The following COL4A3 variants were observed in gnomAD, a reference collection of about 807,000 sequenced individuals.
COL4A3 encodes the protein collagen type IV alpha 3 chain, also known as collagen alpha-3(IV) chain.
COL4A3 carries 135 observed loss-of-function variants against 217.4 expected under a neutral mutation model. That is an observed-to-expected ratio of 0.62 (90% confidence interval 0.54 to 0.72). COL4A3 has a LOEUF of 0.72. Ranked by LOEUF, COL4A3 falls within the 30% of genes least tolerant of loss-of-function variation. The pLI is 0.00. For missense variants in COL4A3, 1,868 were observed against 2,119.9 expected, an observed-to-expected ratio of 0.88 and a Z score of 2.33; for synonymous variants, 690 against 736.3, an observed-to-expected ratio of 0.94 and a Z score of 1.02.
At chr2:227,234,848 CTT>C (rs1426395913) in intron 1 of COL4A3, among the ~76,000 whole-genome samples, 5 of 152,344 alleles carry the variant, frequency 3.3e-5, no homozygotes, top group African/African-American at 1.2e-4. Flanking sequence ...GCCCCCACAC[CTT>C]CTCACAGGTT....
At chr2:227,172,761 A>G (rs1490178323) in intron 1 of COL4A3, among the ~76,000 whole-genome samples, 2 of 151,236 alleles carry the variant, frequency 1.3e-5, no homozygotes, top group African/African-American at 4.9e-5. Flanking sequence ...TAATTTTTGT[A>G]TTTTTAGTAG....
chr2:227,308,930 C>T lies in COL4A3; in HGVS notation c.4494C>T (p.Thr1498=), dbSNP rs200454769. The stretch of plus-strand genomic sequence containing the variant: ...TTGGCAGCTGCCTGCAGCGATTTAC[C>T]ACAATGCCATTCTTATTCTGCAATG... ...GTLGSCLQRF[T]TMPFLFCNVN... is the part of the protein sequence containing the mutation. The change falls in exon 49 of 52, where the codon ACC becomes ACT. Residue 1498 remains threonine (T), a synonymous_variant. Coordinates refer to ENST00000396578, the MANE Select transcript of COL4A3 (RefSeq NM_000091.5). 6.2e-7 allele frequency: 1 copy of T among 1,614,126 alleles called. No homozygotes were observed. The highest frequency in any genetic ancestry group is 1.1e-5 in the South Asian group (1 of 91,084).
chr2:227,171,191 C>T (rs956050515), intron 1 of COL4A3, among the ~76,000 whole-genome samples: 2 of 152,186 alleles, frequency 1.3e-5, no homozygotes, highest in Non-Finnish European at 2.9e-5. Flanking sequence ...CCTTTCTTTT[C>T]CCTGAAAGAA....
Position 227,267,041 on chromosome 2 carries a change from C to A in COL4A3, c.1457C>A (p.Pro486His). The part of the protein sequence containing the change: ...CTQCPYIPGP[P>H]GLPGLPGLHG... ...CAGTGCCCTTATATCCCAGGGCCTC[C>A]CGGTCTCCCAGGATTGCCAGGGTTA... The change falls in exon 23 of 52, where the codon CCC becomes CAC. Residue 486 changes from proline to histidine, a missense_variant. Physicochemically the swap from Pro to His is moderately conservative, Grantham distance 77 (BLOSUM62 -2). Coordinates refer to ENST00000396578, the MANE Select transcript of COL4A3 (RefSeq NM_000091.5). 6.2e-7 allele frequency: 1 copy of A among 1,614,012 alleles called. No individual in the cohort carries two copies. Among genetic ancestry groups the A allele is most frequent in the Non-Finnish European group, 8.5e-7 (1 of 1,179,954 alleles).
intron 1 of COL4A3, among the ~76,000 whole-genome samples, chr2:227,224,102 C>T (rs546463921): frequency 2.6e-5 from 4 of 152,286 alleles, no homozygotes; most frequent in South Asian, 2.1e-4. Context: ...GTCAGCTTAT[C>T]GGTCCAAGGG....
intron 1 of COL4A3, among the ~76,000 whole-genome samples, chr2:227,190,067 G>T (rs1395234299): frequency 6.6e-6 from 1 of 151,820 alleles, no homozygotes; most frequent in Non-Finnish European, 1.5e-5. Flanking sequence ...AGAATGTCAG[G>T]TGGAAAAAAA....
rs1285748210 is a variant in COL4A3 at position 227,304,139 on chromosome 2, A to G, written c.4148A>G (p.Asn1383Ser). ...CCTGGGCCACCAGGGCCACCTGGAA[A>G]CCTAGGTGTGGGACTGGCAGCATTG... The part of the protein sequence containing the change: ...GEPGPPGPPG[N>S]LGPCGPRGKP... Residue 1383 changes from asparagine (N) to serine (S), a missense_variant, in exon 46 of 52, where the codon AAC becomes AGC. By Grantham distance (46) the Asn-to-Ser change is conservative. This residue lies in a region of COL4A3 where 1,503 missense variants were observed against 1,786.1 expected (regional missense o/e 0.84). Transcript: ENST00000396578. The G allele has an allele frequency of 1.2e-6, 2 of 1,614,002 alleles. No homozygotes were observed. The highest frequency in any genetic ancestry group is 1.7e-6 in the Non-Finnish European group (2 of 1,179,958).
chr2:227,257,931 G>A (rs1056957193), intron 18 of COL4A3, among the ~76,000 whole-genome samples: 14 of 152,262 alleles, frequency 9.2e-5, no homozygotes, highest in African/African-American at 2.6e-4. Flanking sequence ...GCCCCTTCAG[G>A]GTAGAGGACA....
intron 1 of COL4A3, among the ~76,000 whole-genome samples, chr2:227,212,581 C>T (rs13406107): frequency 0.076 from 11,610 of 152,232 alleles, 652 homozygotes; most frequent in African/African-American, 0.15. Context: ...GGAGGACCCA[C>T]TTCTGGGTTC....
chr2:227,215,754 G>A (rs763671066), intron 1 of COL4A3, among the ~76,000 whole-genome samples: 2 of 152,044 alleles, frequency 1.3e-5, no homozygotes, highest in African/African-American at 2.4e-5. Context: ...CCACTGCACC[G>A]GGCCTATGTG....
intron 29 of COL4A3, 23 bp downstream of exon 29, chr2:227,279,913 A>G: frequency 6.4e-7 from 1 of 1,558,526 alleles, no homozygotes; most frequent in Non-Finnish European, 8.8e-7. Context: ...TCAAGCTATC[A>G]CAGAAGAGAG....
chr2:227,270,510 T>C (rs183578078), intron 24 of COL4A3, among the ~76,000 whole-genome samples: 7 of 152,334 alleles, frequency 4.6e-5, no homozygotes, highest in Middle Eastern at 3.4e-3. Flanking sequence ...ACCTGTATTA[T>C]GGTGATTGTT....
intron 4 of COL4A3, among the ~76,000 whole-genome samples, chr2:227,244,584 A>G (rs1231846979): frequency 6.6e-6 from 1 of 152,216 alleles, no homozygotes; most frequent in African/African-American, 2.4e-5. Flanking sequence ...CTCTGGAGTG[A>G]TAAAGATGCT....
At chr2:227,173,206 A>G (rs1240495689) in intron 1 of COL4A3, among the ~76,000 whole-genome samples, 1 of 152,226 alleles carries the variant, frequency 6.6e-6, no homozygotes, top group East Asian at 1.9e-4. Flanking sequence ...GTTAGTTTTA[A>G]TATCATTTCT....
At chr2:227,236,211 G>GTGCAAGTGTATTTTTCGTA (rs2068688693) in intron 1 of COL4A3, among the ~76,000 whole-genome samples, 1 of 152,174 alleles carries the variant, frequency 6.6e-6, no homozygotes, top group African/African-American at 2.4e-5. Flanking sequence ...AAATATGAGT[G>GTGCAAGTGTATTTTTCGTA]TGCAAGTGTA....
rs111779546 is a variant in COL4A3, at chr2:227,178,711, GT to G, written c.87+13908del. On this transcript the variant is annotated intron_variant, in intron 1 of 51. Coordinates refer to ENST00000396578, the MANE Select transcript of COL4A3 (RefSeq NM_000091.5). ...CCACATCCAGCTAATTTTTGTTTTT[GT>G]TTTTTTTTTGTATTTTTAGTAGAGA... Among the ~76,000 whole-genome samples, 249 of 145,140 alleles carry G rather than the reference GT, an allele frequency of 1.7e-3. 6 individuals carry two copies. Among genetic ancestry groups the G allele is most frequent in the Admixed American group, 0.017 (243 of 14,520 alleles).
intron 1 of COL4A3, among the ~76,000 whole-genome samples, chr2:227,170,186 G>T (rs1047220199): frequency 2.0e-5 from 3 of 151,730 alleles, no homozygotes; most frequent in African/African-American, 7.3e-5. Flanking sequence ...GTTGGGTCAA[G>T]CAATATTATT....
rs374992426 is a variant in COL4A3, at chr2:227,276,495, A to G, written c.2020+18A>G. On this transcript the variant is annotated intron_variant, in intron 27 of 51. Coordinates refer to ENST00000396578, the MANE Select transcript of COL4A3 (RefSeq NM_000091.5). ...TCCACCTGGTAAGTATCCTCTGCCA[A>G]ATCTGGTACATGGCATCAGACACAC... 5.1e-6 allele frequency: 8 copies of G among 1,558,470 alleles called. No individual in the cohort carries two copies. The highest frequency in any genetic ancestry group is 5.0e-5 in the Admixed American group (3 of 59,918).
At chr2:227,193,789 GAA>G (rs1210569193) in intron 1 of COL4A3, among the ~76,000 whole-genome samples, 7 of 69,852 alleles carry the variant, frequency 1.0e-4, no homozygotes, top group East Asian at 9.5e-4. Flanking sequence ...AGGAAGGAAG[GAA>G]GGAAGGAAGG....
Sources: gnomAD v4.1 joint callset for allele counts (sites outside exome capture counted in the v4.1 genomes callset) on GRCh38, gnomAD v4.1.1 for gene constraint, gnomAD v4.1.1 regional missense constraint, MANE v1.5 for transcripts, NCBI Gene and HGNC (gene_info 2026-07-23, HGNC 2026-07-21) for gene names.